ASTN1: variants seen among roughly 807,000 people sequenced by gnomAD.
ASTN1 encodes astrotactin-1.
ASTN1 carries 41 observed loss-of-function variants against 140.7 expected under a neutral mutation model. The ratio of observed to expected loss-of-function variants is 0.29; its 90% confidence interval spans 0.23 to 0.38. The LOEUF is 0.38. Ranked by LOEUF, ASTN1 falls within the 10% of genes least tolerant of loss-of-function variation. The pLI is 1.00. For missense variants in ASTN1, 1,479 were observed against 1,678.8 expected, an observed-to-expected ratio of 0.88 and a Z score of 2.08; for synonymous variants, 640 against 652.2, an observed-to-expected ratio of 0.98 and a Z score of 0.29.
At chr1:177,036,015 G>C (rs1331752273) in intron 2 of ASTN1, among the ~76,000 whole-genome samples, 1 of 150,014 alleles carries the variant, frequency 6.7e-6, no homozygotes, top group Non-Finnish European at 1.5e-5. Context: ...CAGTGACTCT[G>C]GATGGGATGA....
intron 1 of ASTN1, among the ~76,000 whole-genome samples, chr1:177,131,118 C>T (rs928800884): frequency 7.9e-5 from 12 of 152,188 alleles, no homozygotes; most frequent in Non-Finnish European, 1.6e-4. Context: ...TACTCCCTGT[C>T]TGCCTGGGCT....
intron 1 of ASTN1, among the ~76,000 whole-genome samples, chr1:177,080,451 A>G (rs1679126116): frequency 6.6e-6 from 1 of 152,194 alleles, no homozygotes; most frequent in Non-Finnish European, 1.5e-5. Flanking sequence ...ATAATTGCAT[A>G]AAATGCATTT....
intron 20 of ASTN1, among the ~76,000 whole-genome samples, chr1:176,877,764 A>C (rs774610607): frequency 7.2e-5 from 11 of 152,106 alleles, no homozygotes; most frequent in Non-Finnish European, 4.4e-5. Flanking sequence ...TCACCACAGG[A>C]GGCTGCATTT....
At chr1:176,980,266 AG>A (rs1673552920) in intron 8 of ASTN1, among the ~76,000 whole-genome samples, 1 of 152,170 alleles carries the variant, frequency 6.6e-6, no homozygotes, top group South Asian at 2.1e-4. Flanking sequence ...GTAAGATGAC[AG>A]GAAGGTGAGG....
chr1:177,120,039 A>G (rs868790278), intron 1 of ASTN1, among the ~76,000 whole-genome samples: 1 of 152,140 alleles, frequency 6.6e-6, no homozygotes, highest in Admixed American at 6.5e-5. Context: ...TTCCTCCTCA[A>G]TCTTAGCAGT....
In ASTN1 at chr1:176,965,253, T is replaced by A. The variant is rs12565733; in HGVS notation, c.1524-16A>T. On this transcript the variant is annotated splice_polypyrimidine_tract_variant and intron_variant, in intron 8 of 22. Coordinates refer to ENST00000361833, the MANE Select transcript of ASTN1 (RefSeq NM_004319.3). ...AGGCCATGGCCTAAAAGAAGAAACA[T>A]CATTCAATTAAATTCAACTCAACAA... 0.14 allele frequency: 232,725 copies of A among 1,612,022 alleles called. 18,262 individuals are homozygous for A. The highest frequency in any genetic ancestry group is 0.24 in the Admixed American group (14,176 of 59,956).
intron 16 of ASTN1, among the ~76,000 whole-genome samples, chr1:176,917,066 G>C (rs527384799): frequency 1.3e-5 from 2 of 152,098 alleles, no homozygotes; most frequent in Non-Finnish European, 2.9e-5. Flanking sequence ...CATTCAGTGC[G>C]GTAGCACTCC....
intron 1 of ASTN1, among the ~76,000 whole-genome samples, chr1:177,129,289 C>A (rs1436239517): frequency 6.6e-6 from 1 of 152,162 alleles, no homozygotes; most frequent in Non-Finnish European, 1.5e-5. Context: ...CTGGGGACCA[C>A]TCATGAATGG....
At chr1:177,035,865 C>T (rs1456645479) in intron 2 of ASTN1, among the ~76,000 whole-genome samples, 1 of 152,078 alleles carries the variant, frequency 6.6e-6, no homozygotes, top group Non-Finnish European at 1.5e-5. Context: ...AGCCTAGACA[C>T]TCAATTAAGA....
intron 8 of ASTN1, among the ~76,000 whole-genome samples, chr1:176,968,882 T>C (rs1673007258): frequency 6.6e-6 from 1 of 151,844 alleles, no homozygotes; most frequent in East Asian, 1.9e-4. Context: ...AGCTAAGTGG[T>C]AATGGCTGGT....
chr1:177,122,870 C>T (rs1681469836), intron 1 of ASTN1, among the ~76,000 whole-genome samples: 1 of 152,066 alleles, frequency 6.6e-6, no homozygotes, highest in Non-Finnish European at 1.5e-5. Context: ...AGAGAAGAGC[C>T]CTTGAGATAG....
chr1:176,889,818 G>C (rs1376785490), intron 17 of ASTN1, among the ~76,000 whole-genome samples: 1 of 152,226 alleles, frequency 6.6e-6, no homozygotes, highest in Non-Finnish European at 1.5e-5. Context: ...CAGGGTCATA[G>C]GGTGGTGAAA....
At chr1:177,144,803 T>G (rs565630110) in intron 1 of ASTN1, among the ~76,000 whole-genome samples, 1 of 152,230 alleles carries the variant, frequency 6.6e-6, no homozygotes, top group East Asian at 1.9e-4. Flanking sequence ...CCCAGTCTGC[T>G]GCAAATAGAT....
At chr1:177,144,456 G>T (rs914400092) in intron 1 of ASTN1, among the ~76,000 whole-genome samples, 1 of 150,804 alleles carries the variant, frequency 6.6e-6, no homozygotes, top group South Asian at 2.1e-4. Context: ...GTTTCACCGT[G>T]TTAGCCAGGA....
At chr1:177,108,347 CAAAAAA>C (rs71129596) in intron 1 of ASTN1, among the ~76,000 whole-genome samples, 3 of 98,594 alleles carry the variant, frequency 3.0e-5, no homozygotes, top group Admixed American at 2.3e-4. Context: ...GACTCCGTCT[CAAAAAA>C]AAAAAAAAAA....
intron 16 of ASTN1, among the ~76,000 whole-genome samples, chr1:176,900,482 C>T (rs1669720450): frequency 6.6e-6 from 1 of 152,134 alleles, no homozygotes; most frequent in Non-Finnish European, 1.5e-5. Flanking sequence ...CTCCCCACCC[C>T]ATCAACTAAT....
intron 2 of ASTN1, among the ~76,000 whole-genome samples, chr1:177,041,074 A>G (rs780096787): frequency 6.6e-6 from 1 of 152,120 alleles, no homozygotes; most frequent in Non-Finnish European, 1.5e-5. Context: ...CTTAACGAGA[A>G]TGTTAAGGCC....
Position 177,149,182 on chromosome 1 carries a change from GTA to G in ASTN1, c.283+15210_283+15211del, listed in dbSNP as rs1330881883. On this transcript the variant is annotated intron_variant, in intron 1 of 22. Transcript: ENST00000361833. ...AGTGTATATATAGTAAATATATAGT[GTA>G]TATATATAGTAAATATATATAGTGT... Among the ~76,000 whole-genome samples the G allele has an allele frequency of 1.1e-3, 117 of 109,560 alleles. 13 individuals carry two copies. The highest frequency in any genetic ancestry group is 4.2e-3 in the African/African-American group (104 of 24,778). 71.9% of individuals were successfully genotyped at this position (109,560 alleles called of 152,430 possible). A position where few individuals can be genotyped will look rare whatever the true frequency, so the allele number is the denominator to read the frequency against.
intron 2 of ASTN1, among the ~76,000 whole-genome samples, chr1:177,034,085 A>T (rs1558047279): frequency 6.6e-6 from 1 of 152,150 alleles, no homozygotes; most frequent in Non-Finnish European, 1.5e-5. Context: ...TAATTCCCAG[A>T]GGGCCCACCC....
Sources: allele counts gnomAD v4.1 joint callset (sites outside exome capture counted in the v4.1 genomes callset), GRCh38; gene constraint gnomAD v4.1.1; transcripts MANE v1.5; gene names NCBI Gene and HGNC (gene_info 2026-07-23, HGNC 2026-07-21).